RABGAP1L: variants seen among roughly 807,000 people sequenced by gnomAD.
The protein encoded by RABGAP1L is rab GTPase-activating protein 1-like.
A neutral mutation model predicts 137.7 loss-of-function variants in RABGAP1L; 63 were observed. The ratio of observed to expected loss-of-function variants is 0.46; its 90% CI spans 0.37 to 0.56. The LOEUF (loss-of-function observed/expected upper bound fraction) is 0.56. Ranked by LOEUF, RABGAP1L falls within the 20% of genes least tolerant of loss-of-function variation. The pLI, the probability that RABGAP1L is intolerant of heterozygous loss-of-function variation, is 0.00. For missense variants in RABGAP1L, 1,095 were observed against 1,244.0 expected (o/e 0.88, Z 1.80); for synonymous variants, 431 against 433.7 (o/e 0.99, Z 0.08).
At chr1:174,614,813 T>C (rs1473557486) in intron 13 of RABGAP1L, among the ~76,000 whole-genome samples, 1 of 152,228 alleles carries the variant, frequency 6.6e-6, no homozygotes, top group Non-Finnish European at 1.5e-5. Context: ...CCCTTCTTGC[T>C]TCATTTCATT....
At chr1:174,781,084 C>T (rs915330182) in intron 18 of RABGAP1L, among the ~76,000 whole-genome samples, 1 of 152,064 alleles carries the variant, frequency 6.6e-6, no homozygotes, top group South Asian at 2.1e-4. Flanking sequence ...GGTATATACC[C>T]AGTAATGGGA....
chr1:174,491,692 A>G (rs533173966), intron 13 of RABGAP1L, among the ~76,000 whole-genome samples: 1 of 152,172 alleles, frequency 6.6e-6, no homozygotes, highest in Admixed American at 6.5e-5. Context: ...TTGCCTTTCA[A>G]GTTTATTTAG....
At chr1:174,321,893 C>G (rs1680027428) in intron 11 of RABGAP1L, among the ~76,000 whole-genome samples, 1 of 152,084 alleles carries the variant, frequency 6.6e-6, no homozygotes, top group Non-Finnish European at 1.5e-5. Context: ...ATTTGTATAT[C>G]TTCTTGGTCA....
intron 13 of RABGAP1L, among the ~76,000 whole-genome samples, chr1:174,515,663 C>T (rs1662760543): frequency 6.6e-6 from 1 of 151,980 alleles, no homozygotes; most frequent in East Asian, 1.9e-4. Flanking sequence ...TTACAAGTTC[C>T]TTAAGAACAG....
At chr1:174,652,685 G>A (rs979278404) in intron 14 of RABGAP1L, among the ~76,000 whole-genome samples, 2 of 152,190 alleles carry the variant, frequency 1.3e-5, no homozygotes, top group Non-Finnish European at 2.9e-5. Context: ...GTCCTAGAGA[G>A]GCACTCGCCA....
chr1:174,488,456 T>G (rs1659885990), intron 13 of RABGAP1L, among the ~76,000 whole-genome samples: 1 of 152,176 alleles, frequency 6.6e-6, no homozygotes, highest in Non-Finnish European at 1.5e-5. Context: ...TTAGGATACT[T>G]TTTTTATCCT....
intron 19 of RABGAP1L, among the ~76,000 whole-genome samples, chr1:174,833,092 T>C (rs949971612): frequency 2.0e-5 from 3 of 152,184 alleles, no homozygotes; most frequent in Admixed American, 2.0e-4. Flanking sequence ...TTACTACCTC[T>C]TTTACTCACT....
intron 19 of RABGAP1L, among the ~76,000 whole-genome samples, chr1:174,826,652 G>A (rs1324738248): frequency 1.3e-5 from 2 of 152,118 alleles, no homozygotes; most frequent in African/African-American, 4.8e-5. Flanking sequence ...ATTTTCCTCT[G>A]CGTGTATACC....
chr1:174,550,997 CACATATATAT>C (rs1666472379), intron 13 of RABGAP1L, among the ~76,000 whole-genome samples: 1 of 92,208 alleles, frequency 1.1e-5, no homozygotes, highest in Non-Finnish European at 1.8e-5. Context: ...TATATATATA[CACATATATAT>C]ATATATATAT....
At chr1:174,547,965 T>C (rs1453000950) in intron 13 of RABGAP1L, 2 of 1,550,428 alleles carry the variant, frequency 1.3e-6, no homozygotes, top group African/African-American at 1.4e-5. Context: ...TTCTGATTAC[T>C]TATACTTTTT....
At chr1:174,946,934 ATATATATGTGTGTGTGTGTGTGTG>A (rs1666915578) in intron 19 of RABGAP1L, among the ~76,000 whole-genome samples, 1 of 69,808 alleles carries the variant, frequency 1.4e-5, no homozygotes, top group African/African-American at 6.4e-5. Context: ...ATATATATAT[ATATATATGTGTGTGTGTGTGTGTG>A]TGTGTGTGTG....
At chr1:174,535,408 C>T (rs1202418820) in intron 13 of RABGAP1L, among the ~76,000 whole-genome samples, 4 of 152,024 alleles carry the variant, frequency 2.6e-5, no homozygotes, top group Non-Finnish European at 2.9e-5. Context: ...GCAAGAACTA[C>T]GTTATAGCCA....
intron 13 of RABGAP1L, among the ~76,000 whole-genome samples, chr1:174,397,373 C>T (rs1046892447): frequency 2.0e-5 from 3 of 152,136 alleles, no homozygotes; most frequent in Non-Finnish European, 4.4e-5. Context: ...GCATCTGCCT[C>T]TGGGCATTTC....
At chr1:174,417,876 C>T (rs1236714519) in intron 13 of RABGAP1L, among the ~76,000 whole-genome samples, 1 of 152,112 alleles carries the variant, frequency 6.6e-6, no homozygotes, top group Non-Finnish European at 1.5e-5. Context: ...GAAATAGAAA[C>T]GGGAGTTACT....
At chr1:174,779,224 T>A (rs1686765361) in intron 18 of RABGAP1L, among the ~76,000 whole-genome samples, 1 of 152,238 alleles carries the variant, frequency 6.6e-6, no homozygotes, top group Admixed American at 6.5e-5. Context: ...CCCTTTTCTT[T>A]GTATAATACT....
At chr1:174,525,933 C>T (rs116623815) in intron 13 of RABGAP1L, among the ~76,000 whole-genome samples, 94 of 152,224 alleles carry the variant, frequency 6.2e-4, no homozygotes, top group African/African-American at 2.2e-3. Flanking sequence ...ATGTATCACA[C>T]TGATTGATTT....
At chr1:174,383,538 G>C (rs985374118) in intron 12 of RABGAP1L, among the ~76,000 whole-genome samples, 1 of 152,168 alleles carries the variant, frequency 6.6e-6, no homozygotes, top group Non-Finnish European at 1.5e-5. Context: ...ATTCGGGTGG[G>C]AGTGACCCGA....
chr1:174,653,243 G>T (rs1445885002), intron 14 of RABGAP1L, among the ~76,000 whole-genome samples: 1 of 152,220 alleles, frequency 6.6e-6, no homozygotes, highest in African/African-American at 2.4e-5. Flanking sequence ...CTCCATGGGG[G>T]TGGGATCTGC....
intron 18 of RABGAP1L, among the ~76,000 whole-genome samples, chr1:174,807,408 A>T (rs1689415734): frequency 6.6e-6 from 1 of 152,230 alleles, no homozygotes; most frequent in Non-Finnish European, 1.5e-5. Flanking sequence ...AAACATCCAA[A>T]TCTTTGCAGA....
Sources: gnomAD v4.1 joint callset for allele counts (sites outside exome capture counted in the v4.1 genomes callset) on GRCh38, gnomAD v4.1.1 for gene constraint, MANE v1.5 for transcripts, NCBI Gene and HGNC (gene_info 2026-07-23, HGNC 2026-07-21) for gene names.